The following STK24 variants were observed in gnomAD, a reference collection of about 807,000 sequenced individuals.
STK24 encodes the protein serine/threonine-protein kinase 24.
A neutral mutation model predicts 55.6 loss-of-function variants in STK24; 21 were observed. The observed-to-expected ratio is 0.38, with a 90% CI of 0.27 to 0.54. The LOEUF (loss-of-function observed/expected upper bound fraction) is 0.54. Among genes scored for constraint, STK24 ranks in the 20% least tolerant of loss-of-function variants. The probability of loss-of-function intolerance (pLI) is 0.79; values close to 1 mark genes in which losing one functional copy is unlikely to be tolerated. For synonymous variants in STK24, 200 were observed against 215.2 expected (o/e 0.93, Z 0.62); for missense variants, 383 against 538.4 (o/e 0.71, Z 2.86).
intron 3 of STK24, among the ~76,000 whole-genome samples, chr13:98,479,374 T>A (rs1894503190): frequency 6.6e-6 from 1 of 152,242 alleles, no homozygotes; most frequent in African/African-American, 2.4e-5. Flanking sequence ...CTATTTTATA[T>A]TCATGGCTCT....
intron 2 of STK24, among the ~76,000 whole-genome samples, chr13:98,504,669 A>AG (rs1375491201): frequency 1.3e-5 from 2 of 152,158 alleles, no homozygotes; most frequent in Non-Finnish European, 2.9e-5. Flanking sequence ...GCACTATCTC[A>AG]GGGGAACTCC....
chr13:98,449,877 C>G lies in STK24; in HGVS notation c.*3296G>C, dbSNP rs2139205380. 6.6e-6 allele frequency: 1 copy of G among 152,460 alleles called. No individual in the cohort carries two copies. Among genetic ancestry groups the G allele is most frequent in the South Asian group, 2.1e-4 (1 of 4,804 alleles). 9.4% of individuals were successfully genotyped at this position (152,460 alleles called of 1,614,324 possible). The stretch of plus-strand genomic sequence containing the variant: ...GTGTTCAGAGTGACACAGGGAGGGC[C>G]TGCCCCCCACTGTTCCCTATGCTCC... On this transcript the variant is annotated 3_prime_UTR_variant, in exon 11 of 11. Transcript: ENST00000539966.
At chr13:98,466,618 G>A in intron 5 of STK24, 57 bp from the exon 6 acceptor site, 5 of 1,541,942 alleles carry the variant, frequency 3.2e-6, no homozygotes, top group Non-Finnish European at 3.5e-6. Context: ...CCAATACACA[G>A]TATTTAGGGG....
chr13:98,482,253 C>T lies in STK24; in HGVS notation c.330+12G>A. ...GCTTTGATACGTATTCTGCATCCAA[C>T]ATAATACTTACTAGATCTAGTGCGG... On this transcript the variant is annotated intron_variant, in intron 3 of 10. Coordinates refer to ENST00000539966, the MANE Select transcript of STK24 (RefSeq NM_001032296.4). 6.6e-7 allele frequency: 1 copy of T among 1,523,956 alleles called. No individual in the cohort carries two copies. The highest frequency in any genetic ancestry group is 1.2e-5 in the South Asian group (1 of 82,834). 94.4% of individuals were successfully genotyped at this position (1,523,956 alleles called of 1,614,324 possible).
At chr13:98,483,969 C>A (rs981246936) in intron 2 of STK24, among the ~76,000 whole-genome samples, 2 of 152,228 alleles carry the variant, frequency 1.3e-5, no homozygotes, top group African/African-American at 4.8e-5. Flanking sequence ...CCCTTGACTG[C>A]TAAGATAATA....
At chr13:98,528,667 C>A (rs1234528394) in intron 1 of STK24, among the ~76,000 whole-genome samples, 3 of 152,186 alleles carry the variant, frequency 2.0e-5, no homozygotes, top group African/African-American at 7.2e-5. Flanking sequence ...TCATCATCTT[C>A]TTTTGATCAT....
intron 2 of STK24, among the ~76,000 whole-genome samples, chr13:98,491,459 ATCAACT>A (rs1895030695): frequency 6.6e-6 from 1 of 152,212 alleles, no homozygotes; most frequent in Non-Finnish European, 1.5e-5. Flanking sequence ...TAACATCAAC[ATCAACT>A]TAAACATAGG....
At position 98,461,905 on chromosome 13, in the gene STK24, C is replaced by G; in HGVS notation, c.930-8G>C. On this transcript the variant is annotated splice_polypyrimidine_tract_variant and splice_region_variant and intron_variant, in intron 7 of 10. Transcript: ENST00000539966. Reference sequence around the variant, plus strand: ...GCTTGGCCATCTGTTTCCCTTAACACAGAAATGCAGGAAATCCCATCAGTG... The same window carrying G: ...GCTTGGCCATCTGTTTCCCTTAACAGAGAAATGCAGGAAATCCCATCAGTG... 2 of 1,613,564 alleles carry G rather than the reference C, an allele frequency of 1.2e-6. No homozygotes were observed. The highest frequency in any genetic ancestry group is 1.7e-6 in the Non-Finnish European group (2 of 1,179,580).
Position 98,450,272 on chromosome 13 carries a change from A to G in STK24, c.*2901T>C, listed in dbSNP as rs1893123503. On this transcript the variant is annotated 3_prime_UTR_variant, in exon 11 of 11. Transcript: ENST00000539966. ...GCTTAAGAACATGCCCTATTAGGTC[A>G]CTCTGCCTTTGCTGACACATTTTAT... The G allele has an allele frequency of 6.6e-6, 1 of 152,152 alleles. No homozygotes were observed. Among genetic ancestry groups the G allele is most frequent in the African/African-American group, 2.4e-5 (1 of 41,428 alleles). The allele number at this position is 152,152 out of a possible 1,614,324, so 9.4% of individuals were successfully genotyped here. A position where few individuals can be genotyped will look rare whatever the true frequency, so the allele number is the denominator to read the frequency against.
rs185040714 is a variant in STK24, at chr13:98,507,065, G to A, written c.273+12178C>T. ...GGCCTCTGTAAATGTGCAGCTGGGC[G>A]GGAGAGCCAGCGAGGATGCCTCCAG... On this transcript the variant is annotated intron_variant, in intron 2 of 10. Coordinates refer to ENST00000539966, the MANE Select transcript of STK24 (RefSeq NM_001032296.4). Among the ~76,000 whole-genome samples the A allele has an allele frequency of 5.0e-4, 76 of 152,344 alleles. 1 individual carries two copies. Among genetic ancestry groups the A allele is most frequent in the Admixed American group, 4.3e-3 (66 of 15,308 alleles).
At chr13:98,506,762 G>A (rs1209089233) in intron 2 of STK24, among the ~76,000 whole-genome samples, 1 of 152,212 alleles carries the variant, frequency 6.6e-6, no homozygotes, top group African/African-American at 2.4e-5. Context: ...TAAAACCACG[G>A]ACACGTGTTA....
Position 98,446,995 on chromosome 13 carries a change from T to TG in STK24, c.*6177dup. The TG allele has an allele frequency of 3.1e-6, 2 of 641,596 alleles. No individual in the cohort carries two copies. The highest frequency in any genetic ancestry group is 5.3e-6 in the Non-Finnish European group (2 of 375,762). The allele number at this position is 641,596 out of a possible 1,614,324, so 39.7% of individuals were successfully genotyped here. The stretch of plus-strand genomic sequence containing the variant: ...GCGATTCTGTTCTCATGGCAGAAAG[T>TG]GGGGTCCCAACTTCCCTGCGCCCTT... On this transcript the variant is annotated 3_prime_UTR_variant, in exon 11 of 11. Coordinates refer to ENST00000539966, the MANE Select transcript of STK24 (RefSeq NM_001032296.4).
At chr13:98,487,725 T>C (rs1212518532) in intron 2 of STK24, among the ~76,000 whole-genome samples, 2 of 152,190 alleles carry the variant, frequency 1.3e-5, no homozygotes, top group Admixed American at 6.5e-5. Flanking sequence ...AATTAGCCCA[T>C]GCCTTATTGA....
At chr13:98,498,065 G>A (rs1895315101) in intron 2 of STK24, among the ~76,000 whole-genome samples, 1 of 152,180 alleles carries the variant, frequency 6.6e-6, no homozygotes, top group Non-Finnish European at 1.5e-5. Context: ...TTCTGGAATT[G>A]GCTCTCTCAT....
At chr13:98,540,717 T>C (rs1269927185) in intron 1 of STK24, among the ~76,000 whole-genome samples, 1 of 134,006 alleles carries the variant, frequency 7.5e-6, no homozygotes, top group Non-Finnish European at 1.5e-5. Context: ...CACAGGCCTC[T>C]ATAACAACTG....
Position 98,472,125 on chromosome 13 carries a change from G to A in STK24, c.597+2696C>T, listed in dbSNP as rs193019484. On this transcript the variant is annotated intron_variant, in intron 5 of 10. Transcript: ENST00000539966. ...AGCGCCCTTATCAGGCCCTGCTTGCGACAAGAGCTGCCAGTCCAGAGCCAC... is the reference window on the plus strand; with the variant it reads ...AGCGCCCTTATCAGGCCCTGCTTGCAACAAGAGCTGCCAGTCCAGAGCCAC... 2.2e-4 allele frequency among the ~76,000 whole-genome samples: 34 copies of A among 152,262 alleles called. 1 individual carries two copies. The highest frequency in any genetic ancestry group is 1.2e-3 in the Admixed American group (18 of 15,292).
chr13:98,554,641 G>T (rs1182572509), intron 1 of STK24, among the ~76,000 whole-genome samples: 2 of 152,154 alleles, frequency 1.3e-5, no homozygotes, highest in Non-Finnish European at 2.9e-5. Flanking sequence ...CCTGAGCAAG[G>T]TAAGACTCCA....
At chr13:98,495,652 G>C (rs989653862) in intron 2 of STK24, among the ~76,000 whole-genome samples, 1 of 152,206 alleles carries the variant, frequency 6.6e-6, no homozygotes, top group African/African-American at 2.4e-5. Context: ...AGTTACACTA[G>C]GACAGTGTGT....
chr13:98,519,196 T>TCAG, intron 2 of STK24, 47 bp downstream of exon 2: 2 of 1,519,202 alleles, frequency 1.3e-6, no homozygotes, highest in African/African-American at 2.7e-5. Flanking sequence ...TGCTGGCACC[T>TCAG]CAGCCAAGTG....
Sources: gnomAD v4.1 joint callset for allele counts (sites outside exome capture counted in the v4.1 genomes callset) on GRCh38, gnomAD v4.1.1 for gene constraint, MANE v1.5 for transcripts, NCBI Gene and HGNC (gene_info 2026-07-23, HGNC 2026-07-21) for gene names.